Variants in RIT2 observed in about 807,000 individuals in gnomAD.
RIT2 encodes GTP-binding protein Rit2.
Under a neutral mutation model 23.7 loss-of-function variants are expected in RIT2, and 24 were observed. That is an observed-to-expected ratio of 1.01 (90% CI 0.73 to 1.43). The LOEUF is 1.43. RIT2 is among the 40% of genes most tolerant of loss of function. The probability of loss-of-function intolerance (pLI) is 0.00; values close to 1 mark genes in which losing one functional copy is unlikely to be tolerated. For synonymous variants in RIT2, 107 were observed against 91.1 expected (o/e 1.17, Z -0.99); for missense variants, 236 against 266.9 (o/e 0.88, Z 0.81).
intron 4 of RIT2, among the ~76,000 whole-genome samples, chr18:42,855,291 C>G (rs1277540608): frequency 6.6e-6 from 1 of 152,064 alleles, no homozygotes; most frequent in Non-Finnish European, 1.5e-5. Flanking sequence ...ACTCTCTACC[C>G]TTCTAATGAT....
intron 4 of RIT2, among the ~76,000 whole-genome samples, chr18:42,869,419 T>C (rs948637455): frequency 1.3e-5 from 2 of 152,254 alleles, no homozygotes; most frequent in African/African-American, 4.8e-5. Context: ...TGCCTGGGTT[T>C]TGGGGACCCC....
intron 4 of RIT2, among the ~76,000 whole-genome samples, chr18:42,753,002 G>T (rs551895069): frequency 5.3e-5 from 8 of 152,040 alleles, no homozygotes; most frequent in Admixed American, 3.3e-4. Flanking sequence ...CTTTTTCACC[G>T]AAGAAGATCA....
chr18:42,927,627 C>A (rs1909216861), intron 3 of RIT2, among the ~76,000 whole-genome samples: 1 of 151,884 alleles, frequency 6.6e-6, no homozygotes, highest in Non-Finnish European at 1.5e-5. Flanking sequence ...CATTTGCTCC[C>A]TGCTATAAAT....
intron 2 of RIT2, among the ~76,000 whole-genome samples, chr18:43,031,560 C>T (rs1911854968): frequency 6.6e-6 from 1 of 151,830 alleles, no homozygotes; most frequent in African/African-American, 2.4e-5. Context: ...GAGATTGTTG[C>T]CAATAAATAA....
At chr18:43,017,967 G>T (rs187401176) in intron 2 of RIT2, among the ~76,000 whole-genome samples, 71 of 152,102 alleles carry the variant, frequency 4.7e-4, no homozygotes, top group East Asian at 5.8e-4. Context: ...ATACACACAC[G>T]TTTACTGCAA....
chr18:42,857,509 A>G (rs1488693540), intron 4 of RIT2, among the ~76,000 whole-genome samples: 1 of 152,216 alleles, frequency 6.6e-6, no homozygotes, highest in African/African-American at 2.4e-5. Context: ...ATACACAAAC[A>G]ATTATACAAA....
At chr18:43,083,317 T>G (rs889770273) in intron 1 of RIT2, among the ~76,000 whole-genome samples, 4 of 152,174 alleles carry the variant, frequency 2.6e-5, no homozygotes, top group South Asian at 2.1e-4. Context: ...AAGTAATTTA[T>G]AGATTCAATG....
chr18:42,759,168 C>T (rs1483705280), intron 4 of RIT2, among the ~76,000 whole-genome samples: 1 of 152,122 alleles, frequency 6.6e-6, no homozygotes, highest in Non-Finnish European at 1.5e-5. Context: ...TTGCAATAAG[C>T]TTAAGGGTCA....
chr18:43,068,035 G>A (rs1052005853), intron 1 of RIT2, among the ~76,000 whole-genome samples: 4 of 152,084 alleles, frequency 2.6e-5, no homozygotes, highest in Admixed American at 2.0e-4. Flanking sequence ...AGGCTCTAAT[G>A]GGAGACACAA....
intron 1 of RIT2, among the ~76,000 whole-genome samples, chr18:43,090,711 T>C (rs1038366050): frequency 6.6e-6 from 1 of 152,142 alleles, no homozygotes; most frequent in African/African-American, 2.4e-5. Flanking sequence ...TCATGTCATT[T>C]GCAGGAACTT....
At chr18:42,839,089 T>C (rs1906695234) in intron 4 of RIT2, among the ~76,000 whole-genome samples, 1 of 152,176 alleles carries the variant, frequency 6.6e-6, no homozygotes, top group Admixed American at 6.5e-5. Context: ...TCCCTCATCC[T>C]AAACCAATCC....
intron 4 of RIT2, among the ~76,000 whole-genome samples, chr18:42,833,053 C>CAAAAA (rs35952869): frequency 1.8e-4 from 14 of 77,876 alleles, no homozygotes; most frequent in African/African-American, 5.5e-4. Context: ...GACTTCATCT[C>CAAAAA]AAAAAAAAAA....
intron 4 of RIT2, among the ~76,000 whole-genome samples, chr18:42,793,529 T>A (rs1914088820): frequency 6.6e-6 from 1 of 152,170 alleles, no homozygotes; most frequent in Non-Finnish European, 1.5e-5. Flanking sequence ...GGGAAATAAA[T>A]CTGGGGGACT....
At chr18:43,083,124 T>C (rs1464562670) in intron 1 of RIT2, among the ~76,000 whole-genome samples, 1 of 152,070 alleles carries the variant, frequency 6.6e-6, no homozygotes, top group Admixed American at 6.6e-5. Flanking sequence ...AGAACTCCCA[T>C]TCACCATTGC....
At chr18:42,750,508 AT>A (rs1223045104) in intron 4 of RIT2, among the ~76,000 whole-genome samples, 6 of 151,814 alleles carry the variant, frequency 4.0e-5, no homozygotes, top group African/African-American at 1.4e-4. Flanking sequence ...TTGGGGCATA[AT>A]TTTGTCCTCC....
intron 4 of RIT2, among the ~76,000 whole-genome samples, chr18:42,758,419 T>A (rs1338211958): frequency 6.6e-6 from 1 of 152,092 alleles, no homozygotes; most frequent in Non-Finnish European, 1.5e-5. Context: ...TTTGACAACT[T>A]GCCTAGTCCC....
intron 3 of RIT2, among the ~76,000 whole-genome samples, chr18:42,924,249 T>C (rs1909127663): frequency 6.6e-6 from 1 of 152,138 alleles, no homozygotes; most frequent in African/African-American, 2.4e-5. Context: ...GAACAAATTT[T>C]TCTACTCAAA....
At chr18:42,916,379 T>C (rs1202303559) in intron 4 of RIT2, among the ~76,000 whole-genome samples, 1 of 152,120 alleles carries the variant, frequency 6.6e-6, no homozygotes, top group Non-Finnish European at 1.5e-5. Context: ...ACTTAGCTCA[T>C]AAACTGTGCA....
chr18:43,100,581 C>T (rs1913660235), intron 1 of RIT2, among the ~76,000 whole-genome samples: 1 of 151,944 alleles, frequency 6.6e-6, no homozygotes, highest in South Asian at 2.1e-4. Context: ...ACTATAGATA[C>T]AGGAAAAAGA....
Sources: gnomAD v4.1 joint callset for allele counts (sites outside exome capture counted in the v4.1 genomes callset) on GRCh38, gnomAD v4.1.1 for gene constraint, MANE v1.5 for transcripts, NCBI Gene and HGNC (gene_info 2026-07-23, HGNC 2026-07-21) for gene names.